The following GRID2IP variants were observed in gnomAD, a reference collection of about 807,000 sequenced individuals.
GRID2IP encodes the protein Grid2 interacting protein.
Under a neutral mutation model 114.3 loss-of-function variants are expected in GRID2IP, and 78 were observed. That is an observed-to-expected ratio of 0.68 (90% CI 0.57 to 0.82). The LOEUF is 0.82. Ranked by LOEUF, GRID2IP falls within the 40% of genes least tolerant of loss-of-function variation. GRID2IP has a pLI of 0.00. For synonymous variants in GRID2IP, 809 were observed against 724.0 expected (o/e 1.12, Z -1.89); for missense variants, 1,727 against 1,678.5 (o/e 1.03, Z -0.51).
chr7:6,542,315 A>AG (rs1216508093), intron 1 of GRID2IP, among the ~76,000 whole-genome samples: 30 of 151,268 alleles, frequency 2.0e-4, no homozygotes, highest in Middle Eastern at 3.4e-3. Flanking sequence ...TCAAAAAAAA[A>AG]AAAAAAAAAA....
In GRID2IP at chr7:6,508,928, G is replaced by GCCTC. The variant is rs759214870; in HGVS notation, c.2127+26_2127+29dup. The GCCTC allele has an allele frequency of 4.6e-6, 7 of 1,532,882 alleles. No individual in the cohort carries two copies. The African/African-American group carries it at 6.9e-5, about 15-fold the overall frequency. The allele number at this position is 1,532,882 out of a possible 1,614,324, so 95.0% of individuals were successfully genotyped here. A position where few individuals can be genotyped will look rare whatever the true frequency, so the allele number is the denominator to read the frequency against. On this transcript the variant is annotated intron_variant, in intron 12 of 21. Coordinates refer to ENST00000457091, the MANE Select transcript of GRID2IP (RefSeq NM_001145118.2). This position sits in a 1 kb window ranked among gnomAD's most constrained non-coding sequence, Gnocchi z 5.6. ...CAGACCGCCACACCTCGCCTCACCCGCCTCCCTCCACACCTGCTTGCGTGC... is the reference window on the plus strand; with the variant it reads ...CAGACCGCCACACCTCGCCTCACCCGCCTCCCTCCCTCCACACCTGCTTGCGTGC...
intron 17 of GRID2IP, 54 bp from the exon 18 acceptor site, chr7:6,502,926 T>C (rs1352491495): frequency 1.3e-6 from 2 of 1,533,532 alleles, no homozygotes; most frequent in East Asian, 2.4e-5. Flanking sequence ...CCATCCACCC[T>C]GCTGTCTGGA....
rs764551037 is a variant in GRID2IP at position 6,520,690 on chromosome 7, G to A, written c.1156C>T (p.Pro386Ser). ...CTCCCTTGGACCCGGATGCTGGACG[G>A]CAGGATCTCCGCCACCCACTGCAGG... Reference protein sequence around the residue: ...TSLQWVAEILPSSIRVQGRTF... With the variant: ...TSLQWVAEILSSSIRVQGRTF... Residue 386 changes from proline to serine, a missense_variant, in exon 7 of 22, where the codon CCG becomes TCG. By Grantham distance (74) the Pro-to-Ser change is moderately conservative (BLOSUM62 -1). Coordinates refer to ENST00000457091, the MANE Select transcript of GRID2IP (RefSeq NM_001145118.2). The surrounding 1 kb of genome is among the most constrained non-coding windows in gnomAD (Gnocchi z 4.6). The A allele has an allele frequency of 5.2e-6, 8 of 1,551,568 alleles. No individual in the cohort carries two copies.
intron 2 of GRID2IP, among the ~76,000 whole-genome samples, chr7:6,533,858 C>T (rs1196282335): frequency 6.6e-6 from 1 of 151,556 alleles, no homozygotes; most frequent in African/African-American, 2.4e-5. Context: ...ACTATGCTGC[C>T]CGGACTGGTC....
chr7:6,539,160 G>C (rs1779775925), intron 2 of GRID2IP, among the ~76,000 whole-genome samples: 1 of 147,364 alleles, frequency 6.8e-6, no homozygotes, highest in Admixed American at 6.8e-5. Context: ...ACAGTGTCTT[G>C]CTCTGTCATC....
chr7:6,511,899 G>GTCTCTTTC (rs368749327), intron 8 of GRID2IP, among the ~76,000 whole-genome samples: 1 of 148,336 alleles, frequency 6.7e-6, no homozygotes, highest in African/African-American at 2.5e-5. Context: ...CTCTCTCTCT[G>GTCTCTTTC]TCTCTTTCTC....
At chr7:6,540,979 A>G (rs1293245445) in intron 1 of GRID2IP, among the ~76,000 whole-genome samples, 3 of 152,052 alleles carry the variant, frequency 2.0e-5, no homozygotes, top group African/African-American at 7.2e-5. Flanking sequence ...TGGGACCACA[A>G]GTATGTGCCT....
In GRID2IP at chr7:6,510,991, G is replaced by A; in HGVS notation, c.1472C>T (p.Pro491Leu). ...AGCCCGCAGGGAGCTCCGCGGCTGG[G>A]GCTCAGGCGTGGGCTCGGACTCCAG... ...LDLESEPTPE[P>L]QPRSSLRASS... Residue 491 changes from proline to leucine, a missense_variant, in exon 9 of 22, where the codon CCC (proline) becomes CTC (leucine). Transcript: ENST00000457091. 3 of 1,537,494 alleles carry A rather than the reference G, an allele frequency of 2.0e-6. No individual in the cohort carries two copies. Among genetic ancestry groups the A allele is most frequent in the Non-Finnish European group, 2.6e-6 (3 of 1,140,278 alleles).
chr7:6,511,428 A>T (rs559295302), intron 8 of GRID2IP, among the ~76,000 whole-genome samples: 1 of 152,062 alleles, frequency 6.6e-6, no homozygotes, highest in East Asian at 1.9e-4. Flanking sequence ...GTGGGAGTGC[A>T]GTGGTGCAAT....
intron 20 of GRID2IP, among the ~76,000 whole-genome samples, chr7:6,499,723 G>A (rs993826862): frequency 8.8e-5 from 13 of 147,260 alleles, no homozygotes; most frequent in Non-Finnish European, 1.3e-4. Flanking sequence ...GAGCCACAGC[G>A]CCTGGACTGC....
intron 2 of GRID2IP, chr7:6,531,184 T>C (rs1779615760): frequency 4.2e-6 from 2 of 481,288 alleles, no homozygotes; most frequent in Middle Eastern, 5.2e-4. Flanking sequence ...GCGCCGCGAC[T>C]CCACGCACCT....
At chr7:6,503,410 C>CG in intron 16 of GRID2IP, 81 bp downstream of exon 16, 3 of 1,338,332 alleles carry the variant, frequency 2.2e-6, no homozygotes, top group Non-Finnish European at 2.9e-6. Flanking sequence ...CGAAGGCGCG[C>CG]GGGACCCCAG....
Position 6,497,753 on chromosome 7 carries a change from G to A in GRID2IP, c.*21C>T. ...CCTCCATCTCCCTGCTCAGGCCGCA[G>A]AGGACGCGGTGTGGCCACTGTCACC... On this transcript the variant is annotated 3_prime_UTR_variant, in exon 22 of 22. Transcript: ENST00000457091. 1 of 1,539,896 alleles carries A rather than the reference G, an allele frequency of 6.5e-7. No individual in the cohort carries two copies. The highest frequency in any genetic ancestry group is 8.8e-7 in the Non-Finnish European group (1 of 1,138,760).
chr7:6,501,795 C>G lies in GRID2IP; in HGVS notation c.3385G>C (p.Ala1129Pro). The G allele has an allele frequency of 1.3e-6, 2 of 1,551,050 alleles. No homozygotes were observed. Among genetic ancestry groups the G allele is most frequent in the East Asian group, 4.9e-5 (2 of 40,918 alleles). The change falls in exon 20 of 22, where the codon GCA becomes CCA. Residue 1129 changes from alanine (A) to proline (P), a missense_variant. Physicochemically the swap from Ala to Pro is conservative, Grantham distance 27. Transcript: ENST00000457091. ...TCAGAGGATGCCGACATGACCATTG[C>G]AAACTTGTCCTCGCTAGAGGGGGAA... Reference protein sequence around the residue: ...SISPSSEDKFAMVMSSFLETA... With the variant: ...SISPSSEDKFPMVMSSFLETA...
chr7:6,510,815 C>T, intron 9 of GRID2IP, 93 bp downstream of exon 9: 2 of 1,476,540 alleles, frequency 1.4e-6, no homozygotes, highest in Non-Finnish European at 1.8e-6. Flanking sequence ...CCCTGCTTAG[C>T]CCCATTCCCT....
In GRID2IP at chr7:6,502,818, T is replaced by A. The variant is rs982633643; in HGVS notation, c.3118A>T (p.Thr1040Ser). 1.8e-5 allele frequency: 28 copies of A among 1,552,010 alleles called. No individual in the cohort carries two copies. The South Asian group carries it at 3.2e-4, about 18-fold the overall frequency. The change falls in exon 18 of 22, where the codon ACT (threonine) becomes TCT (serine). Residue 1040 changes from threonine (T) to serine (S), a missense_variant. Physicochemically the swap from Thr to Ser is moderately conservative, Grantham distance 58 (BLOSUM62 1). Coordinates refer to ENST00000457091, the MANE Select transcript of GRID2IP (RefSeq NM_001145118.2). ...LNDGQPKTNK[T>S]TGFKINFLTE... The stretch of plus-strand genomic sequence containing the variant: ...AGAAAGTTGATCTTGAAGCCCGTAG[T>A]CTTGTTGGTTTTGGGCTGTCCATCG...
intron 20 of GRID2IP, among the ~76,000 whole-genome samples, chr7:6,499,777 T>C (rs1786362263): frequency 6.6e-6 from 1 of 151,956 alleles, no homozygotes; most frequent in Non-Finnish European, 1.5e-5. Context: ...GTCACCTGGC[T>C]ACAGTGCAGT....
At chr7:6,541,049 T>A (rs1032774972) in intron 1 of GRID2IP, among the ~76,000 whole-genome samples, 1 of 151,726 alleles carries the variant, frequency 6.6e-6, no homozygotes, top group Non-Finnish European at 1.5e-5. Flanking sequence ...AACTGGCTAA[T>A]TAAATTTTTT....
chr7:6,544,377 T>C (rs1779855172), intron 1 of GRID2IP, among the ~76,000 whole-genome samples: 1 of 151,962 alleles, frequency 6.6e-6, no homozygotes, highest in Non-Finnish European at 1.5e-5. Flanking sequence ...CCTCCCGGGT[T>C]CAAGCGACGC....
Sources: gnomAD v4.1 joint callset for allele counts (sites outside exome capture counted in the v4.1 genomes callset) on GRCh38, gnomAD v4.1.1 for gene constraint, Gnocchi (gnomAD v3.1) non-coding constraint, MANE v1.5 for transcripts, NCBI Gene and HGNC (gene_info 2026-07-23, HGNC 2026-07-21) for gene names.